Variants in PTPN5 observed in about 807,000 individuals in gnomAD.
The protein encoded by PTPN5 is tyrosine-protein phosphatase non-receptor type 5.
Under a neutral mutation model 73.9 loss-of-function variants are expected in PTPN5, and 29 were observed. The ratio of observed to expected loss-of-function variants is 0.39; its 90% confidence interval spans 0.29 to 0.54. PTPN5 has a LOEUF of 0.54. Ranked by LOEUF, PTPN5 falls within the 20% of genes least tolerant of loss-of-function variation. PTPN5 has a pLI of 0.65. For synonymous variants in PTPN5, 267 were observed against 304.7 expected (o/e 0.88, Z 1.29); for missense variants, 652 against 751.4 (o/e 0.87, Z 1.55).
intron 8 of PTPN5, among the ~76,000 whole-genome samples, chr11:18,739,355 G>C (rs1033191871): frequency 6.6e-6 from 1 of 152,202 alleles, no homozygotes; most frequent in Non-Finnish European, 1.5e-5. Context: ...TGAGGCTGGG[G>C]TGGTTAAAGA....
chr11:18,743,955 C>A, intron 4 of PTPN5, 51 bp downstream of exon 4: 1 of 1,511,364 alleles, frequency 6.6e-7, no homozygotes, highest in Non-Finnish European at 8.8e-7. Context: ...GGGAGGCTGG[C>A]CCTCCACCCA....
At chr11:18,731,342 AC>A (rs1297410661) in intron 12 of PTPN5, among the ~76,000 whole-genome samples, 1 of 152,036 alleles carries the variant, frequency 6.6e-6, no homozygotes, top group Non-Finnish European at 1.5e-5. Context: ...CTCAGTACTT[AC>A]CATCTTATAC....
intron 2 of PTPN5, among the ~76,000 whole-genome samples, chr11:18,766,318 A>T (rs1850642927): frequency 6.6e-6 from 1 of 152,218 alleles, no homozygotes; most frequent in African/African-American, 2.4e-5. Context: ...ATTATGACCT[A>T]GGACTCCAGG....
At chr11:18,765,919 G>A (rs1219867207) in intron 2 of PTPN5, 36 bp from the exon 3 acceptor site, 1 of 1,469,340 alleles carries the variant, frequency 6.8e-7, no homozygotes, top group Admixed American at 2.0e-5. Context: ...ATATGCTGTT[G>A]AGCCAGGATC....
At chr11:18,792,512 T>C (rs2134393797), upstream of PTPN5, 1 of 152,728 alleles carries the variant, frequency 6.5e-6, no homozygotes, top group East Asian at 1.9e-4. Context: ...GGTTTTCTCG[T>C]GGGCACCAGG....
intron 3 of PTPN5, among the ~76,000 whole-genome samples, chr11:18,746,195 A>ATATATATATATATATTTTTTTTTTTT (rs377606416): frequency 1.8e-5 from 2 of 114,038 alleles, no homozygotes; most frequent in African/African-American, 6.5e-5. Context: ...ATATATATAC[A>ATATATATATATATATTTTTTTTTTTT]TTTTTTTTTT....
intron 3 of PTPN5, among the ~76,000 whole-genome samples, chr11:18,748,539 C>CT (rs953614772): frequency 1.2e-4 from 18 of 151,882 alleles, no homozygotes; most frequent in East Asian, 3.9e-4. Flanking sequence ...AGAAATCTGA[C>CT]TTTTTTTTAA....
rs1848978424 is a variant in PTPN5 at position 18,733,393 on chromosome 11, GC to G, written c.1081-22del. ...TAGCCCTGCGGCCAGCCAAGTCCAGGCTGTCAGGGTCAGAGGCAGTGCTCCC... is the reference window on the plus strand; with the variant it reads ...TAGCCCTGCGGCCAGCCAAGTCCAGGTGTCAGGGTCAGAGGCAGTGCTCCC... On this transcript the variant is annotated intron_variant, in intron 10 of 14. Transcript: ENST00000358540. The surrounding 1 kb of genome is among the most constrained non-coding windows in gnomAD (Gnocchi z 4.3). The G allele has an allele frequency of 6.2e-7, 1 of 1,611,668 alleles. No homozygotes were observed.
At chr11:18,788,890 T>C (rs892714175) in intron 1 of PTPN5, among the ~76,000 whole-genome samples, 6 of 152,246 alleles carry the variant, frequency 3.9e-5, no homozygotes, top group Non-Finnish European at 8.8e-5. Flanking sequence ...GGATGTCTTA[T>C]GAGGAGTAAG....
rs1850003891 is a variant in PTPN5 at position 18,753,809 on chromosome 11, G to C, written c.98-9610C>G. Among the ~76,000 whole-genome samples, 2 of 152,192 alleles carry C rather than the reference G, an allele frequency of 1.3e-5. 1 individual carries two copies. The highest frequency in any genetic ancestry group is 2.9e-5 in the Non-Finnish European group (2 of 68,042). On this transcript the variant is annotated intron_variant, in intron 3 of 14. Transcript: ENST00000358540. ...GGAGCTGGTGGGCCAAGTGTTCAGG[G>C]ACATCTTGGGGAGTGCTGTGCAGCC...
At chr11:18,776,681 T>C (rs1851174154) in intron 1 of PTPN5, among the ~76,000 whole-genome samples, 1 of 152,204 alleles carries the variant, frequency 6.6e-6, no homozygotes, top group African/African-American at 2.4e-5. Context: ...ATATAGTTGG[T>C]ATGTTGCAGA....
chr11:18,783,571 T>C (rs955860991), intron 1 of PTPN5, among the ~76,000 whole-genome samples: 11 of 152,200 alleles, frequency 7.2e-5, no homozygotes, highest in African/African-American at 2.7e-4. Context: ...TTACTCAAGC[T>C]CTCTGTTTCC....
rs903474941 is a variant in PTPN5 at position 18,765,936 on chromosome 11, A to G, written c.21-53T>C. On this transcript the variant is annotated intron_variant, in intron 2 of 14. Transcript: ENST00000358540. ...ATGCTGTTGAGCCAGGATCAAGACA[A>G]AAACCCTGAGCAAAGATAAGAAGGC... 19 of 1,334,516 alleles carry G rather than the reference A, an allele frequency of 1.4e-5. No individual in the cohort carries two copies. The African/African-American group carries it at 2.5e-4, about 17-fold the overall frequency. The allele number at this position is 1,334,516 out of a possible 1,614,324, so 82.7% of individuals were successfully genotyped here.
chr11:18,762,072 G>A (rs1850420276), intron 3 of PTPN5, among the ~76,000 whole-genome samples: 1 of 152,208 alleles, frequency 6.6e-6, no homozygotes, highest in Non-Finnish European at 1.5e-5. Context: ...GCCTGGCTCT[G>A]GGGCATTGGG....
chr11:18,780,698 G>A (rs1481740463), intron 1 of PTPN5, among the ~76,000 whole-genome samples: 1 of 152,098 alleles, frequency 6.6e-6, no homozygotes, highest in Non-Finnish European at 1.5e-5. Context: ...ACCCTGTCCC[G>A]GGCTGCTCCC....
chr11:18,741,693 C>A (rs1233473757), intron 7 of PTPN5, among the ~76,000 whole-genome samples: 2 of 151,928 alleles, frequency 1.3e-5, no homozygotes, highest in African/African-American at 4.8e-5. Flanking sequence ...AAGATGGCAA[C>A]AATAGAAACT....
chr11:18,749,476 G>T (rs1222400306), intron 3 of PTPN5: 1 of 517,644 alleles, frequency 1.9e-6, no homozygotes, highest in Non-Finnish European at 3.9e-6. Context: ...TATGTCTGGG[G>T]TCGGGGGAGG....
chr11:18,781,240 G>C (rs1241720090), intron 1 of PTPN5, among the ~76,000 whole-genome samples: 1 of 151,992 alleles, frequency 6.6e-6, no homozygotes, highest in African/African-American at 2.4e-5. Context: ...CTGGGGAAGG[G>C]ATGGAGGTCT....
chr11:18,744,233 C>A (rs761568851), intron 3 of PTPN5, 34 bp from the exon 4 acceptor site: 1 of 1,456,898 alleles, frequency 6.9e-7, no homozygotes, highest in East Asian at 2.6e-5. Context: ...CCGATGACTC[C>A]GGCCCTGTCC....
Sources: gnomAD v4.1 joint callset for allele counts (sites outside exome capture counted in the v4.1 genomes callset) on GRCh38, gnomAD v4.1.1 for gene constraint, Gnocchi (gnomAD v3.1) non-coding constraint, MANE v1.5 for transcripts, NCBI Gene and HGNC (gene_info 2026-07-23, HGNC 2026-07-21) for gene names.